Variants in DLG2 observed in about 807,000 individuals in gnomAD.
DLG2 encodes the protein discs large MAGUK scaffold protein 2.
A neutral mutation model predicts 132.5 loss-of-function variants in DLG2; 45 were observed. The ratio of observed to expected loss-of-function variants is 0.34; its 90% CI spans 0.27 to 0.44. The LOEUF is 0.44. Among genes scored for constraint, DLG2 ranks in the 20% least tolerant of loss-of-function variants. The pLI, the probability that DLG2 is intolerant of heterozygous loss-of-function variation, is 1.00. For synonymous variants in DLG2, 424 were observed against 419.6 expected, an observed-to-expected ratio of 1.01 and a Z score of -0.13; for missense variants, 1,045 against 1,196.9, an observed-to-expected ratio of 0.87 and a Z score of 1.87.
chr11:84,286,688 T>C (rs17147140), intron 7 of DLG2, among the ~76,000 whole-genome samples: 14,834 of 152,174 alleles, frequency 0.097, 789 homozygotes, highest in South Asian at 0.13. Flanking sequence ...AAATAAACTA[T>C]TTTTCAATAG....
chr11:84,645,498 C>T lies in DLG2; in HGVS notation c.358-110767G>A, dbSNP rs976463500. Among the ~76,000 whole-genome samples the T allele has an allele frequency of 2.6e-5, 4 of 152,270 alleles. No individual in the cohort carries two copies. In the South Asian group the frequency reaches 6.2e-4, roughly 24 times the overall value. On this transcript the variant is annotated intron_variant, in intron 6 of 27. Coordinates refer to ENST00000376104, the MANE Select transcript of DLG2 (RefSeq NM_001142699.3). ...TTATTTATTTTTTGAGACAGAGTCTCGCTCTGTCACCCAGGCCAGAGTGCA... is the reference window on the plus strand; with the variant it reads ...TTATTTATTTTTTGAGACAGAGTCTTGCTCTGTCACCCAGGCCAGAGTGCA...
In DLG2 at chr11:85,509,537, C is replaced by A. The variant is rs188751515; in HGVS notation, c.40+89120G>T. Among the ~76,000 whole-genome samples the A allele has an allele frequency of 2.0e-5, 3 of 151,992 alleles. No individual in the cohort carries two copies. In the East Asian group the frequency reaches 5.8e-4, roughly 29 times the overall value. ...CAATCTAAGGACAGGATATGTATAG[C>A]CTTTTCTTGTGAAAGACAAACACAC... On this transcript the variant is annotated intron_variant, in intron 3 of 27. Transcript: ENST00000376104.
At chr11:83,699,519 GC>G (rs2082494893) in intron 18 of DLG2, among the ~76,000 whole-genome samples, 1 of 149,156 alleles carries the variant, frequency 6.7e-6, no homozygotes, top group Non-Finnish European at 1.5e-5. Context: ...GCACAGTGAA[GC>G]CCCGTCTCTA....
chr11:84,122,626 T>C (rs1458176025), intron 9 of DLG2, among the ~76,000 whole-genome samples: 1 of 152,230 alleles, frequency 6.6e-6, no homozygotes, highest in East Asian at 1.9e-4. Flanking sequence ...AGATGTTGAC[T>C]CATTTTCAGC....
In DLG2 at chr11:84,466,490, G is replaced by A. The variant is rs117012647; in HGVS notation, c.519+68080C>T. On this transcript the variant is annotated intron_variant, in intron 7 of 27. Coordinates refer to ENST00000376104, the MANE Select transcript of DLG2 (RefSeq NM_001142699.3). ...AGAACAATGAGCAGAAGACACAAAC[G>A]ACTACATATAGAAAAACAGAAAGAC... Among the ~76,000 whole-genome samples, 115 of 151,282 alleles carry A rather than the reference G, an allele frequency of 7.6e-4. No homozygotes were observed. The East Asian group carries it at 0.018, about 23-fold the overall frequency.
chr11:83,660,184 A>C (rs1005602341), intron 18 of DLG2, among the ~76,000 whole-genome samples: 1 of 152,164 alleles, frequency 6.6e-6, no homozygotes, highest in Non-Finnish European at 1.5e-5. Flanking sequence ...TTTTTGAAAA[A>C]TAAGACATAA....
At chr11:84,264,909 A>T (rs952473451) in intron 7 of DLG2, among the ~76,000 whole-genome samples, 4 of 152,202 alleles carry the variant, frequency 2.6e-5, no homozygotes, top group African/African-American at 9.6e-5. Flanking sequence ...GAACTTAGTC[A>T]AGTCACTTAA....
At chr11:85,058,170 A>G (rs544593615) in intron 6 of DLG2, among the ~76,000 whole-genome samples, 1 of 151,552 alleles carries the variant, frequency 6.6e-6, no homozygotes, top group African/African-American at 2.4e-5. Flanking sequence ...CTATAGACGA[A>G]GCATTAGAAA....
chr11:84,926,009 T>A (rs1346661662), intron 6 of DLG2, among the ~76,000 whole-genome samples: 1 of 152,094 alleles, frequency 6.6e-6, no homozygotes, highest in East Asian at 1.9e-4. Flanking sequence ...TTATACACAA[T>A]GACAAACAAC....
In DLG2 at chr11:83,484,210, T is replaced by A; in HGVS notation, c.2212A>T (p.Lys738Ter). 1 of 1,613,294 alleles carries A rather than the reference T, an allele frequency of 6.2e-7. No homozygotes were observed. The highest frequency in any genetic ancestry group is 8.5e-7 in the Non-Finnish European group (1 of 1,179,494). The change falls in exon 22 of 28, where the codon AAA becomes TAA. Residue 738 changes from lysine (K) to a stop codon, truncating the protein, a stop_gained. Coordinates refer to ENST00000376104, the MANE Select transcript of DLG2 (RefSeq NM_001142699.3). LOFTEE classifies it high-confidence loss of function. ...DSKGSFNDKR[K>*]KSFIFSRKFP... The stretch of plus-strand genomic sequence containing the variant: ...TTTCGTGAAAAGATGAAGCTCTTTT[T>A]ACGCTTGTCATTGAATGACTGTGAA...
intron 6 of DLG2, among the ~76,000 whole-genome samples, chr11:84,804,996 T>A (rs1053802599): frequency 8.5e-5 from 13 of 152,174 alleles, no homozygotes; most frequent in African/African-American, 2.7e-4. Context: ...ATCCCTTTCC[T>A]GGCTAGGGTG....
chr11:84,332,359 C>T (rs2098464348), intron 7 of DLG2, among the ~76,000 whole-genome samples: 1 of 151,740 alleles, frequency 6.6e-6, no homozygotes, highest in South Asian at 2.1e-4. Flanking sequence ...CTACAGGCGC[C>T]CGCCACCACG....
At chr11:85,324,243 GT>G (rs2081283566) in intron 3 of DLG2, among the ~76,000 whole-genome samples, 1 of 151,992 alleles carries the variant, frequency 6.6e-6, no homozygotes, top group Non-Finnish European at 1.5e-5. Flanking sequence ...GCTTCTACTT[GT>G]ATTTTTTTGG....
intron 3 of DLG2, among the ~76,000 whole-genome samples, chr11:85,568,085 G>A (rs1481339267): frequency 6.6e-6 from 1 of 150,438 alleles, no homozygotes; most frequent in Non-Finnish European, 1.5e-5. Flanking sequence ...CGCGATCTTG[G>A]CTCAGTGAAA....
chr11:84,250,916 G>A (rs1414520894), intron 8 of DLG2, among the ~76,000 whole-genome samples: 3 of 152,100 alleles, frequency 2.0e-5, no homozygotes, highest in Non-Finnish European at 4.4e-5. Context: ...CCTTTTATAA[G>A]AAACCCAAAG....
At chr11:84,251,380 A>G in intron 7 of DLG2, 89 bp from the exon 8 acceptor site, 1 of 1,026,902 alleles carries the variant, frequency 9.7e-7, no homozygotes. Flanking sequence ...AAAGAGCTCA[A>G]CAGGCATTTC....
intron 2 of DLG2, among the ~76,000 whole-genome samples, chr11:85,616,119 T>G (rs1488518646): frequency 1.3e-5 from 2 of 152,176 alleles, no homozygotes; most frequent in East Asian, 1.9e-4. Context: ...AAAGCTAGAT[T>G]CCAATCCTGG....
intron 7 of DLG2, among the ~76,000 whole-genome samples, chr11:84,381,905 T>C (rs564332968): frequency 6.6e-6 from 1 of 152,314 alleles, no homozygotes; most frequent in South Asian, 2.1e-4. Context: ...CCTGAAGGCA[T>C]AGGTTTCAGC....
chr11:85,595,533 T>G (rs983580400), intron 3 of DLG2, among the ~76,000 whole-genome samples: 1 of 151,994 alleles, frequency 6.6e-6, no homozygotes, highest in Admixed American at 6.5e-5. Context: ...TGTTTCAGGG[T>G]TTTTTTTATT....
Sources: allele counts gnomAD v4.1 joint callset (sites outside exome capture counted in the v4.1 genomes callset), GRCh38; gene constraint gnomAD v4.1.1; transcripts MANE v1.5; gene names NCBI Gene and HGNC (gene_info 2026-07-23, HGNC 2026-07-21).